The following TRAF3 variants were observed in gnomAD, a reference collection of about 807,000 sequenced individuals.
TRAF3 encodes the protein TNF receptor associated factor 3.
TRAF3 carries 13 observed loss-of-function variants against 62.3 expected under a neutral mutation model. The observed-to-expected ratio is 0.21, with a 90% CI of 0.14 to 0.33. The LOEUF (loss-of-function observed/expected upper bound fraction) is 0.33, where lower values mean the gene tolerates loss of function less well. TRAF3 is among the 10% of genes least tolerant of loss of function. The probability of loss-of-function intolerance (pLI) is 1.00; values close to 1 mark genes in which losing one functional copy is unlikely to be tolerated. For missense variants in TRAF3, 440 were observed against 741.8 expected, an observed-to-expected ratio of 0.59 and a Z score of 4.73; for synonymous variants, 269 against 283.4, an observed-to-expected ratio of 0.95 and a Z score of 0.51.
At chr14:102,894,594 T>C (rs917578598) in intron 9 of TRAF3, among the ~76,000 whole-genome samples, 3 of 152,160 alleles carry the variant, frequency 2.0e-5, no homozygotes, top group Admixed American at 2.0e-4. Context: ...GAAGCAGTGA[T>C]CTGCAGGACC....
chr14:102,869,277 T>C (rs1049635275), intron 2 of TRAF3, among the ~76,000 whole-genome samples: 1 of 152,166 alleles, frequency 6.6e-6, no homozygotes, highest in African/African-American at 2.4e-5. Flanking sequence ...GTGGGCACAC[T>C]GTCACAGGGT....
chr14:102,823,207 T>G (rs2139590244), intron 1 of TRAF3, among the ~76,000 whole-genome samples: 1 of 152,294 alleles, frequency 6.6e-6, no homozygotes, highest in Non-Finnish European at 1.5e-5. Context: ...CATCATTTAG[T>G]TGTTTATTTT....
intron 2 of TRAF3, among the ~76,000 whole-genome samples, chr14:102,845,518 A>ATTT (rs552851916): frequency 7.4e-6 from 1 of 135,806 alleles, no homozygotes; most frequent in Admixed American, 7.4e-5. Context: ...TAAAAAAAAA[A>ATTT]TTTTTTTTTT....
At chr14:102,836,366 A>G (rs1040694349) in intron 2 of TRAF3, among the ~76,000 whole-genome samples, 1 of 152,222 alleles carries the variant, frequency 6.6e-6, no homozygotes, top group African/African-American at 2.4e-5. Flanking sequence ...TTGTATAATG[A>G]TTGTTGAGAA....
chr14:102,823,359 A>G (rs1358674811), intron 1 of TRAF3, among the ~76,000 whole-genome samples: 2 of 152,232 alleles, frequency 1.3e-5, no homozygotes, highest in Admixed American at 1.3e-4. Flanking sequence ...GTAAATGAAT[A>G]CTTTCTTGGG....
At chr14:102,898,222 T>C (rs1330590849) in intron 10 of TRAF3, among the ~76,000 whole-genome samples, 3 of 152,260 alleles carry the variant, frequency 2.0e-5, no homozygotes, top group African/African-American at 7.2e-5. Flanking sequence ...TGAGTCATAG[T>C]GACTTGAATT....
chr14:102,870,423 G>A lies in TRAF3; in HGVS notation c.222G>A (p.Glu74=), dbSNP rs765509930. The change falls in exon 3 of 12, where the codon GAG becomes GAA. Residue 74 remains glutamate (E), a synonymous_variant. Coordinates refer to ENST00000392745, the MANE Select transcript of TRAF3 (RefSeq NM_145725.3). ...CCGAGTGTGGGCACCGCTTCTGCGA[G>A]AGCTGCATGGCGGCCCTGCTGAGGT... The part of the protein sequence containing the change: ...KQTECGHRFC[E]SCMAALLSSS... 3 of 1,613,818 alleles carry A rather than the reference G, an allele frequency of 1.9e-6. No individual in the cohort carries two copies. The highest frequency in any genetic ancestry group is 1.7e-5 in the Admixed American group (1 of 60,004).
intron 1 of TRAF3, among the ~76,000 whole-genome samples, chr14:102,820,589 TATATATATATATATATATATATATA>T (rs1486738763): frequency 1.6e-4 from 1 of 6,402 alleles, no homozygotes; most frequent in African/African-American, 7.4e-4. Flanking sequence ...TATATATATA[TATATATATATATATATATATATATA>T]TTTTTTTTTT....
At chr14:102,877,137 T>C (rs147157314) in intron 6 of TRAF3, among the ~76,000 whole-genome samples, 5 of 145,496 alleles carry the variant, frequency 3.4e-5, no homozygotes, top group Non-Finnish European at 6.0e-5. Flanking sequence ...CCTCAACTCA[T>C]AGATAATCCG....
At chr14:102,886,070 T>G in intron 6 of TRAF3, 119 bp from the exon 7 acceptor site, 2 of 838,312 alleles carry the variant, frequency 2.4e-6, no homozygotes. Context: ...GTGAGTGCCA[T>G]AACTTAGAGG....
chr14:102,894,004 G>A (rs1314749930), intron 9 of TRAF3, among the ~76,000 whole-genome samples: 1 of 152,198 alleles, frequency 6.6e-6, no homozygotes, highest in Non-Finnish European at 1.5e-5. Flanking sequence ...ATCTGTCTTA[G>A]AAAATAGAAT....
chr14:102,826,526 G>T lies in TRAF3; in HGVS notation c.-156-3808G>T, dbSNP rs552974122. ...AGGGAGTCAGTGAAGACGTCCTGGA[G>T]GAGAAGATTCCAGAGCCTGAGATGT... On this transcript the variant is annotated intron_variant, in intron 1 of 11. Coordinates refer to ENST00000392745, the MANE Select transcript of TRAF3 (RefSeq NM_145725.3). This position sits in a 1 kb window ranked among gnomAD's most constrained non-coding sequence, Gnocchi z 4.6. Among the ~76,000 whole-genome samples, 67 of 152,298 alleles carry T rather than the reference G, an allele frequency of 4.4e-4. No individual in the cohort carries two copies. Among genetic ancestry groups the T allele is most frequent in the African/African-American group, 1.4e-3 (57 of 41,556 alleles).
At chr14:102,857,118 G>A (rs919561278) in intron 2 of TRAF3, among the ~76,000 whole-genome samples, 2 of 152,112 alleles carry the variant, frequency 1.3e-5, no homozygotes, top group African/African-American at 4.8e-5. Flanking sequence ...CTGATACATC[G>A]GGTTGCTAGC....
intron 9 of TRAF3, among the ~76,000 whole-genome samples, chr14:102,893,368 C>T (rs531785290): frequency 8.2e-4 from 118 of 144,248 alleles, no homozygotes; most frequent in African/African-American, 2.8e-3. Context: ...CCAGCCTGGG[C>T]GACAGAATGA....
At chr14:102,894,303 G>C (rs964826779) in intron 9 of TRAF3, among the ~76,000 whole-genome samples, 1 of 152,054 alleles carries the variant, frequency 6.6e-6, no homozygotes, top group African/African-American at 2.4e-5. Context: ...TTCCAGCCTG[G>C]GTGACAGAGT....
At chr14:102,888,208 G>C (rs1407372448) in intron 7 of TRAF3, among the ~76,000 whole-genome samples, 4 of 152,222 alleles carry the variant, frequency 2.6e-5, no homozygotes, top group Non-Finnish European at 4.4e-5. Context: ...AAATGAACCT[G>C]GTTCTGCGCA....
At chr14:102,891,503 G>T (rs1889712200) in intron 9 of TRAF3, 86 bp downstream of exon 9, 1 of 1,406,630 alleles carries the variant, frequency 7.1e-7, no homozygotes, top group South Asian at 1.2e-5. Context: ...AGTTATTAAT[G>T]GGTTTTGGAT....
rs551555655 is a variant in TRAF3 at position 102,903,405 on chromosome 14, G to A, written c.1111G>A (p.Ala371Thr). Residue 371 changes from alanine to threonine, a missense_variant, in exon 11 of 12, where the codon GCG becomes ACG. Physicochemically the swap from Ala to Thr is moderately conservative, Grantham distance 58. Transcript: ENST00000392745. The surrounding 1 kb of genome is among the most constrained non-coding windows in gnomAD (Gnocchi z 6.4). ...CGAGCTGGAGAGCGTGGACAAGAGC[G>A]CGGGGCAAGTGGCTCGGAACACAGG... is the stretch of plus-strand genomic sequence containing the variant. ...VTELESVDKS[A>T]GQVARNTGLL... 59 of 1,614,106 alleles carry A rather than the reference G, an allele frequency of 3.7e-5. No homozygotes were observed. In the South Asian group the frequency reaches 4.1e-4, roughly 11 times the overall value.
chr14:102,867,234 C>G (rs1000432571), intron 2 of TRAF3, among the ~76,000 whole-genome samples: 1 of 152,318 alleles, frequency 6.6e-6, no homozygotes, highest in African/African-American at 2.4e-5. Context: ...TAAACTCTTT[C>G]TGTTACGGGC....
Sources: gnomAD v4.1 joint callset for allele counts (sites outside exome capture counted in the v4.1 genomes callset) on GRCh38, gnomAD v4.1.1 for gene constraint, Gnocchi (gnomAD v3.1) non-coding constraint, MANE v1.5 for transcripts, NCBI Gene and HGNC (gene_info 2026-07-23, HGNC 2026-07-21) for gene names.